RANBP17: variants seen among roughly 807,000 people sequenced by gnomAD.
The protein encoded by RANBP17 is RAN binding protein 17, also known as ran-binding protein 17.
Under a neutral mutation model 141.2 loss-of-function variants are expected in RANBP17, and 158 were observed. That is an observed-to-expected ratio of 1.12 (90% CI 0.98 to 1.28). The LOEUF is 1.28. Ranked by LOEUF, RANBP17 falls within the 50% of genes most tolerant of loss-of-function variation. The probability of loss-of-function intolerance (pLI) is 0.00; values close to 1 mark genes in which losing one functional copy is unlikely to be tolerated. For missense variants in RANBP17, 1,438 were observed against 1,290.7 expected (o/e 1.11, Z -1.75); for synonymous variants, 430 against 450.0 (o/e 0.96, Z 0.56).
rs138487518 is a variant in RANBP17 at position 171,273,102 on chromosome 5, G to C, written c.2943+7255G>C. ...GGTTTAACCTGATTTTTCCAGGACA[G>C]AATCAATATGGCAGCTGTGAAATGA... On this transcript the variant is annotated intron_variant, in intron 25 of 27. Coordinates refer to ENST00000523189, the MANE Select transcript of RANBP17 (RefSeq NM_022897.5). Among the ~76,000 whole-genome samples the C allele has an allele frequency of 3.3e-3, 500 of 152,318 alleles. 3 individuals are homozygous for C. Among genetic ancestry groups the C allele is most frequent in the African/African-American group, 0.012 (485 of 41,572 alleles).
chr5:171,082,334 A>AG (rs1276127354), intron 14 of RANBP17, among the ~76,000 whole-genome samples: 1 of 152,154 alleles, frequency 6.6e-6, no homozygotes. Flanking sequence ...TGAAGTTTTC[A>AG]GGTACATGAG....
chr5:170,977,152 GATAA>G (rs1386320989), intron 14 of RANBP17, among the ~76,000 whole-genome samples: 7 of 152,008 alleles, frequency 4.6e-5, no homozygotes, highest in Middle Eastern at 3.4e-3. Flanking sequence ...ATAATAAAAA[GATAA>G]ATAACCCAGT....
At chr5:170,876,154 A>G (rs906278059) in intron 1 of RANBP17, among the ~76,000 whole-genome samples, 19 of 152,182 alleles carry the variant, frequency 1.2e-4, no homozygotes, top group African/African-American at 4.3e-4. Flanking sequence ...AGGGGCACCA[A>G]CCGCTTCACT....
At chr5:170,966,644 T>C (rs901606498) in intron 13 of RANBP17, among the ~76,000 whole-genome samples, 1 of 152,028 alleles carries the variant, frequency 6.6e-6, no homozygotes, top group African/African-American at 2.4e-5. Flanking sequence ...AAGACAGGGA[T>C]GCCCTCTCTC....
rs1581708057 is a variant in RANBP17, at chr5:171,135,258, C to T, written c.1711-34872C>T. 5.0e-5 allele frequency among the ~76,000 whole-genome samples: 6 copies of T among 118,984 alleles called. No individual in the cohort carries two copies. The South Asian group carries it at 1.6e-3, about 31-fold the overall frequency. The allele number at this position is 118,984 out of a possible 152,430, so 78.1% of individuals were successfully genotyped here. A position where few individuals can be genotyped will look rare whatever the true frequency, so the allele number is the denominator to read the frequency against. On this transcript the variant is annotated intron_variant, in intron 14 of 27. Transcript: ENST00000523189. ...TCAAGCCACTGCACTCCAGCCTGGG[C>T]AACAGAGTGAGACTCCATCTCAAAA...
At chr5:170,923,356 A>G (rs1046210649) in intron 11 of RANBP17, among the ~76,000 whole-genome samples, 12 of 152,160 alleles carry the variant, frequency 7.9e-5, no homozygotes, top group Admixed American at 2.0e-4. Context: ...TCATTAATCT[A>G]TGTGTCTGTT....
chr5:171,293,269 ATAATC>A, intron 25 of RANBP17, among the ~76,000 whole-genome samples: 1 of 152,336 alleles, frequency 6.6e-6, no homozygotes, highest in East Asian at 1.9e-4. Flanking sequence ...AAATGCCTGT[ATAATC>A]TTATCTCCCC....
intron 24 of RANBP17, chr5:171,251,730 G>A (rs1765575957): frequency 2.8e-6 from 2 of 709,434 alleles, no homozygotes; most frequent in Non-Finnish European, 4.9e-6. Context: ...CCCGCGGGCT[G>A]CGGTGCGAGC....
intron 14 of RANBP17, among the ~76,000 whole-genome samples, chr5:170,989,773 A>G (rs756087928): frequency 6.6e-6 from 1 of 151,750 alleles, no homozygotes; most frequent in Non-Finnish European, 1.5e-5. Flanking sequence ...TCTAATATCC[A>G]GGAAGGAAAG....
intron 14 of RANBP17, among the ~76,000 whole-genome samples, chr5:171,129,897 T>C (rs1756777104): frequency 6.6e-6 from 1 of 152,132 alleles, no homozygotes; most frequent in Admixed American, 6.5e-5. Flanking sequence ...TCTTTCACAA[T>C]CATATGAATA....
chr5:170,912,494 A>G (rs1404823846), intron 7 of RANBP17, among the ~76,000 whole-genome samples: 1 of 151,966 alleles, frequency 6.6e-6, no homozygotes, highest in East Asian at 1.9e-4. Flanking sequence ...GTGAAAGTAG[A>G]AATAAACTTC....
intron 3 of RANBP17, among the ~76,000 whole-genome samples, chr5:170,889,055 T>A (rs1459435108): frequency 6.6e-6 from 1 of 152,002 alleles, no homozygotes; most frequent in Non-Finnish European, 1.5e-5. Flanking sequence ...TATATCTTTT[T>A]TCTTTCTTTT....
intron 24 of RANBP17, among the ~76,000 whole-genome samples, chr5:171,245,757 C>T (rs1765173710): frequency 6.6e-6 from 1 of 152,184 alleles, no homozygotes; most frequent in South Asian, 2.1e-4. Context: ...TATGACATTC[C>T]AGTGCTCCAT....
chr5:171,220,827 A>G lies in RANBP17; in HGVS notation c.2340-931A>G, dbSNP rs149050599. Among the ~76,000 whole-genome samples, 380 of 152,318 alleles carry G rather than the reference A, an allele frequency of 2.5e-3. 4 individuals carry two copies. The highest frequency in any genetic ancestry group is 7.9e-3 in the African/African-American group (327 of 41,576). On this transcript the variant is annotated intron_variant, in intron 21 of 27. Transcript: ENST00000523189. Reference sequence around the variant, plus strand: ...TATTTTGGAAAATGTTATCTTTTCTATATTTCTCTAGAATTTAATGCAAAT... The same window carrying G: ...TATTTTGGAAAATGTTATCTTTTCTGTATTTCTCTAGAATTTAATGCAAAT...
At chr5:171,031,448 G>T (rs1781543831) in intron 14 of RANBP17, among the ~76,000 whole-genome samples, 1 of 151,980 alleles carries the variant, frequency 6.6e-6, no homozygotes. Context: ...AGCTTTACCT[G>T]TTAAGTAAAA....
intron 25 of RANBP17, among the ~76,000 whole-genome samples, chr5:171,266,848 G>A (rs370675984): frequency 6.6e-5 from 10 of 151,902 alleles, no homozygotes; most frequent in African/African-American, 2.4e-4. Flanking sequence ...GGGAGGCAGA[G>A]GTTGCAGTGA....
chr5:171,083,408 G>T (rs1228328635), intron 14 of RANBP17, among the ~76,000 whole-genome samples: 1 of 152,066 alleles, frequency 6.6e-6, no homozygotes, highest in African/African-American at 2.4e-5. Context: ...TGACTATGCT[G>T]GCATCCTTAT....
At chr5:170,901,486 T>G (rs972330542) in intron 5 of RANBP17, among the ~76,000 whole-genome samples, 1 of 152,244 alleles carries the variant, frequency 6.6e-6, no homozygotes, top group Non-Finnish European at 1.5e-5. Flanking sequence ...TTTGCCAGTC[T>G]GTGTCTTTTA....
intron 14 of RANBP17, among the ~76,000 whole-genome samples, chr5:171,058,129 T>C (rs1211534584): frequency 6.6e-6 from 1 of 152,064 alleles, no homozygotes; most frequent in African/African-American, 2.4e-5. Context: ...ATTACCTATT[T>C]CTCTCTTACC....
Sources: gnomAD v4.1 joint callset for allele counts (sites outside exome capture counted in the v4.1 genomes callset) on GRCh38, gnomAD v4.1.1 for gene constraint, MANE v1.5 for transcripts, NCBI Gene and HGNC (gene_info 2026-07-23, HGNC 2026-07-21) for gene names.